The following PTPRD variants were observed in gnomAD, a reference collection of about 807,000 sequenced individuals.
The protein encoded by PTPRD is protein tyrosine phosphatase receptor type D, also known as receptor-type tyrosine-protein phosphatase delta.
A neutral mutation model predicts 214.5 loss-of-function variants in PTPRD; 34 were observed. The observed-to-expected ratio is 0.16, with a 90% CI of 0.12 to 0.21. PTPRD has a LOEUF of 0.21. Ranked by LOEUF, PTPRD falls within the 10% of genes least tolerant of loss-of-function variation. The pLI is 1.00. For synonymous variants in PTPRD, 1,128 were observed against 845.7 expected (o/e 1.33, Z -5.79); for missense variants, 2,545 against 2,398.7 (o/e 1.06, Z -1.27).
intron 5 of PTPRD, among the ~76,000 whole-genome samples, chr9:9,775,657 T>A (rs1263357766): frequency 6.6e-6 from 1 of 152,030 alleles, no homozygotes; most frequent in Non-Finnish European, 1.5e-5. Flanking sequence ...AAAAAGCGAA[T>A]TCTTGGCTGG....
intron 7 of PTPRD, among the ~76,000 whole-genome samples, chr9:9,633,517 A>C (rs2095659346): frequency 8.3e-6 from 1 of 120,600 alleles, no homozygotes; most frequent in South Asian, 2.3e-4. Flanking sequence ...GTAAGGTTAA[A>C]AGTGATTATA....
At chr9:9,870,183 G>C (rs1299005573) in intron 5 of PTPRD, among the ~76,000 whole-genome samples, 1 of 152,010 alleles carries the variant, frequency 6.6e-6, no homozygotes, top group Non-Finnish European at 1.5e-5. Context: ...TGGGTTCATG[G>C]AGACTACTTA....
At chr9:9,177,250 C>A (rs1204278382) in intron 10 of PTPRD, among the ~76,000 whole-genome samples, 1 of 151,902 alleles carries the variant, frequency 6.6e-6, no homozygotes, top group African/African-American at 2.4e-5. Context: ...AGAACTCACT[C>A]TGAAAAGAAA....
intron 26 of PTPRD, among the ~76,000 whole-genome samples, chr9:8,495,182 G>C (rs2097235815): frequency 6.6e-6 from 1 of 152,126 alleles, no homozygotes. Flanking sequence ...TGACTACCCA[G>C]TGTTACTTCA....
intron 9 of PTPRD, among the ~76,000 whole-genome samples, chr9:9,373,600 G>A (rs2060077759): frequency 1.3e-5 from 2 of 152,092 alleles, no homozygotes; most frequent in Non-Finnish European, 1.5e-5. Flanking sequence ...TTGACTTATG[G>A]TCACCTCACT....
chr9:9,719,662 A>G (rs555177577), intron 7 of PTPRD, among the ~76,000 whole-genome samples: 82 of 152,284 alleles, frequency 5.4e-4, no homozygotes, highest in African/African-American at 1.9e-3. Context: ...ACAGCTCGCT[A>G]TGCTGCGGCG....
intron 9 of PTPRD, among the ~76,000 whole-genome samples, chr9:9,261,457 TAA>T (rs1184003478): frequency 6.6e-6 from 1 of 151,844 alleles, no homozygotes; most frequent in Non-Finnish European, 1.5e-5. Context: ...AAATGTATCA[TAA>T]TGGGAGAGAC....
chr9:9,427,715 C>T (rs906919511), intron 8 of PTPRD, among the ~76,000 whole-genome samples: 19 of 152,134 alleles, frequency 1.2e-4, no homozygotes, highest in African/African-American at 4.1e-4. Context: ...GCTGATCTCT[C>T]GGCAGAAACT....
chr9:9,729,546 T>C (rs1388278169), intron 7 of PTPRD, among the ~76,000 whole-genome samples: 1 of 152,098 alleles, frequency 6.6e-6, no homozygotes, highest in Non-Finnish European at 1.5e-5. Context: ...ACTCTCACCA[T>C]CCTTATGATT....
intron 14 of PTPRD, among the ~76,000 whole-genome samples, chr9:8,601,726 G>A (rs936827619): frequency 1.3e-5 from 2 of 152,300 alleles, no homozygotes; most frequent in East Asian, 3.9e-4. Context: ...CCTACTGATT[G>A]ACAGTGTTGT....
chr9:10,394,957 C>A lies in PTPRD; in HGVS notation c.-599-53940G>T, dbSNP rs201112180. 7.9e-4 allele frequency among the ~76,000 whole-genome samples: 105 copies of A among 133,198 alleles called. 2 individuals are homozygous for A. Among genetic ancestry groups the A allele is most frequent in the Non-Finnish European group, 9.9e-4 (63 of 63,572 alleles). The allele number at this position is 133,198 out of a possible 152,430, so 87.4% of individuals were successfully genotyped here. On this transcript the variant is annotated intron_variant, in intron 2 of 45. Coordinates refer to ENST00000381196, the MANE Select transcript of PTPRD (RefSeq NM_002839.4). The stretch of plus-strand genomic sequence containing the variant: ...TGTGTTGCCACCATTTTTTCTTTTT[C>A]TTTTTTTTTTTTTTTTTTAGTCAGC...
At chr9:8,426,623 G>A (rs1321372045) in intron 35 of PTPRD, among the ~76,000 whole-genome samples, 1 of 152,068 alleles carries the variant, frequency 6.6e-6, no homozygotes, top group African/African-American at 2.4e-5. Flanking sequence ...GAACTTGTAT[G>A]AGAACAACGA....
At chr9:10,220,057 TA>T (rs2099561174) in intron 3 of PTPRD, among the ~76,000 whole-genome samples, 1 of 151,786 alleles carries the variant, frequency 6.6e-6, no homozygotes, top group Admixed American at 6.6e-5. Flanking sequence ...GGTTGGAAAA[TA>T]ATTTTACATA....
At chr9:9,223,458 C>T (rs1046866969) in intron 9 of PTPRD, among the ~76,000 whole-genome samples, 17 of 151,978 alleles carry the variant, frequency 1.1e-4, no homozygotes, top group African/African-American at 3.9e-4. Flanking sequence ...GATTAATCTA[C>T]CCCTTTGGAA....
At chr9:8,600,012 G>C (rs1177446449) in intron 14 of PTPRD, among the ~76,000 whole-genome samples, 3 of 152,162 alleles carry the variant, frequency 2.0e-5, no homozygotes, top group Non-Finnish European at 4.4e-5. Context: ...GAAGAAGGTA[G>C]AAAAGACAGT....
In PTPRD at chr9:8,504,303, C is replaced by A. The variant is rs2137221379; in HGVS notation, c.1780G>T (p.Gly594Cys). Residue 594 changes from glycine (G) to cysteine (C), a missense_variant, in exon 23 of 46, where the codon GGT becomes TGT. Gly to Cys is a radical substitution (Grantham distance 159). Coordinates refer to ENST00000381196, the MANE Select transcript of PTPRD (RefSeq NM_002839.4). ...GCTGATATTTCTGCAGTAGAAGCAC[C>A]CAGGCCTTGAGGGGAGCGTGCAGCC... The part of the protein sequence containing the change: ...RLAARSPQGL[G>C]ASTAEISART... 6.2e-7 allele frequency: 1 copy of A among 1,614,050 alleles called. No homozygotes were observed. Among genetic ancestry groups the A allele is most frequent in the Non-Finnish European group, 8.5e-7 (1 of 1,179,974 alleles).
intron 9 of PTPRD, among the ~76,000 whole-genome samples, chr9:9,368,171 C>T (rs2058408427): frequency 6.6e-6 from 1 of 151,684 alleles, no homozygotes. Context: ...AACGTTAGAC[C>T]TGCATTTATA....
chr9:8,944,947 G>T (rs916651193), intron 11 of PTPRD, among the ~76,000 whole-genome samples: 4 of 151,894 alleles, frequency 2.6e-5, no homozygotes, highest in Non-Finnish European at 5.9e-5. Context: ...TGCTTCAGGT[G>T]GTAGATACCC....
chr9:8,467,855 A>G (rs13301764), intron 31 of PTPRD, among the ~76,000 whole-genome samples: 9,450 of 152,030 alleles, frequency 0.062, 342 homozygotes, highest in South Asian at 0.095. Context: ...TATTGTTGAT[A>G]TGTAGTTAAG....
Sources: allele counts gnomAD v4.1 joint callset (sites outside exome capture counted in the v4.1 genomes callset), GRCh38; gene constraint gnomAD v4.1.1; transcripts MANE v1.5; gene names NCBI Gene and HGNC (gene_info 2026-07-23, HGNC 2026-07-21).